CNTN3: variants seen among roughly 807,000 people sequenced by gnomAD.
The protein encoded by CNTN3 is contactin 3.
Under a neutral mutation model 119.1 loss-of-function variants are expected in CNTN3, and 60 were observed. That is an observed-to-expected ratio of 0.50 (90% CI 0.41 to 0.62). CNTN3 has a LOEUF of 0.62. Ranked by LOEUF, CNTN3 falls within the 20% of genes least tolerant of loss-of-function variation. The pLI is 0.00. For synonymous variants in CNTN3, 450 were observed against 438.7 expected (o/e 1.03, Z -0.32); for missense variants, 1,101 against 1,242.4 (o/e 0.89, Z 1.71).
chr3:74,380,185 T>C (rs1704579857), intron 5 of CNTN3, among the ~76,000 whole-genome samples: 2 of 152,210 alleles, frequency 1.3e-5, no homozygotes, highest in African/African-American at 4.8e-5. Context: ...TCCTTGAAAA[T>C]GCTAGAAAGC....
At chr3:74,343,598 TTC>T (rs1703601883) in intron 11 of CNTN3, among the ~76,000 whole-genome samples, 1 of 152,228 alleles carries the variant, frequency 6.6e-6, no homozygotes, top group Non-Finnish European at 1.5e-5. Context: ...TGATTCCTCA[TTC>T]TTTGGCAACT....
chr3:74,589,876 A>G (rs1559670356), intron 1 of CNTN3, among the ~76,000 whole-genome samples: 2 of 146,660 alleles, frequency 1.4e-5, no homozygotes, highest in African/African-American at 2.5e-5. Flanking sequence ...CAAACACCAC[A>G]TGTTCTCACT....
At chr3:74,413,417 T>C in intron 5 of CNTN3, among the ~76,000 whole-genome samples, 1 of 152,140 alleles carries the variant, frequency 6.6e-6, no homozygotes, top group East Asian at 1.9e-4. Flanking sequence ...ATATACAAAA[T>C]GTGTCTGTGT....
chr3:74,444,520 C>T (rs970550024), intron 4 of CNTN3, among the ~76,000 whole-genome samples: 1 of 151,946 alleles, frequency 6.6e-6, no homozygotes, highest in Non-Finnish European at 1.5e-5. Flanking sequence ...GACAATAGAC[C>T]TTCCTTGTTT....
At chr3:74,476,363 C>T (rs750211343) in intron 4 of CNTN3, among the ~76,000 whole-genome samples, 9 of 152,028 alleles carry the variant, frequency 5.9e-5, no homozygotes, top group Non-Finnish European at 8.8e-5. Flanking sequence ...CTACATCAAG[C>T]GAATATACTA....
rs191839249 is a variant in CNTN3 at position 74,350,581 on chromosome 3, A to G, written c.1364+11309T>C. ...AATCCCACTACTGGGTATCTACCCA[A>G]TGGAAAATAAATCATTCTAGTGAAA... On this transcript the variant is annotated intron_variant, in intron 11 of 22. Transcript: ENST00000263665. 3.3e-3 allele frequency among the ~76,000 whole-genome samples: 504 copies of G among 152,324 alleles called. 3 individuals carry two copies. The highest frequency in any genetic ancestry group is 0.014 in the Middle Eastern group (4 of 292).
In CNTN3 at chr3:74,365,688, C is replaced by T. The variant is rs1461830962; in HGVS notation, c.961G>A (p.Val321Ile). ...RLTYYAKPHWVQLIKDVEIAV... is the reference protein window; with the variant it reads ...RLTYYAKPHWIQLIKDVEIAV... ...ATTTCCACATCCTTTATGAGTTGAACCCAATGGGGCTTTGCTTCAATGAAA... is the reference window on the plus strand; with the variant it reads ...ATTTCCACATCCTTTATGAGTTGAATCCAATGGGGCTTTGCTTCAATGAAA... Residue 321 changes from valine to isoleucine, a missense_variant, in exon 9 of 23, where the codon GTT (valine) becomes ATT (isoleucine). Coordinates refer to ENST00000263665, the MANE Select transcript of CNTN3 (RefSeq NM_020872.3). The T allele has an allele frequency of 1.9e-6, 3 of 1,609,258 alleles. No homozygotes were observed. Among genetic ancestry groups the T allele is most frequent in the Admixed American group, 1.7e-5 (1 of 59,360 alleles).
chr3:74,492,873 A>G (rs1702992944), intron 3 of CNTN3, among the ~76,000 whole-genome samples: 1 of 152,134 alleles, frequency 6.6e-6, no homozygotes, highest in African/African-American at 2.4e-5. Flanking sequence ...CAAAGTATGT[A>G]AACTCCACTG....
chr3:74,337,929 G>A (rs953962771), intron 11 of CNTN3, among the ~76,000 whole-genome samples: 62 of 148,516 alleles, frequency 4.2e-4, no homozygotes, highest in African/African-American at 1.4e-3. Flanking sequence ...TTTGAATTAC[G>A]AAAAAAAAAT....
intron 1 of CNTN3, among the ~76,000 whole-genome samples, chr3:74,576,731 T>C (rs183163183): frequency 1.5e-4 from 23 of 152,110 alleles, no homozygotes; most frequent in African/African-American, 5.6e-4. Context: ...TCCTGACCTG[T>C]AATGATTTTT....
intron 4 of CNTN3, among the ~76,000 whole-genome samples, chr3:74,483,891 G>A (rs1380059007): frequency 6.6e-6 from 1 of 152,028 alleles, no homozygotes; most frequent in Non-Finnish European, 1.5e-5. Flanking sequence ...AGAACTAGGG[G>A]CAGACTGCAA....
At chr3:74,443,178 A>G (rs1701994650) in intron 4 of CNTN3, among the ~76,000 whole-genome samples, 1 of 152,188 alleles carries the variant, frequency 6.6e-6, no homozygotes, top group Admixed American at 6.5e-5. Context: ...AGAAAGGCAC[A>G]GACCAAGCAG....
intron 1 of CNTN3, among the ~76,000 whole-genome samples, chr3:74,612,331 G>A (rs986598322): frequency 5.9e-5 from 9 of 152,282 alleles, no homozygotes; most frequent in East Asian, 3.9e-4. Context: ...TGTTGTCCAC[G>A]GCTAATCTTC....
rs900422101 is a variant in CNTN3, at chr3:74,427,784, A to G, written c.359-2844T>C. Among the ~76,000 whole-genome samples, 4 of 152,294 alleles carry G rather than the reference A, an allele frequency of 2.6e-5. No homozygotes were observed. The East Asian group carries it at 5.8e-4, about 22-fold the overall frequency. On this transcript the variant is annotated intron_variant, in intron 4 of 22. Coordinates refer to ENST00000263665, the MANE Select transcript of CNTN3 (RefSeq NM_020872.3). ...AATTAAAAACTCAAAACTACTCACA[A>G]TTGTTCCAAATAAAATAAAATACCC... is the stretch of plus-strand genomic sequence containing the variant.
chr3:74,476,188 C>T (rs1320234806), intron 4 of CNTN3, among the ~76,000 whole-genome samples: 1 of 152,102 alleles, frequency 6.6e-6, no homozygotes, highest in African/African-American at 2.4e-5. Flanking sequence ...ACACACAAAA[C>T]AAGGTGAGGT....
intron 13 of CNTN3, among the ~76,000 whole-genome samples, chr3:74,322,161 G>T (rs1362368397): frequency 7.6e-6 from 1 of 131,030 alleles, no homozygotes; most frequent in African/African-American, 3.0e-5. Flanking sequence ...ACTCCAGCCT[G>T]GGTGACTCAA....
At chr3:74,576,289 A>T (rs1275970351) in intron 1 of CNTN3, among the ~76,000 whole-genome samples, 1 of 152,202 alleles carries the variant, frequency 6.6e-6, no homozygotes. Context: ...AAAACAACAC[A>T]GTCCCCTGAA....
intron 13 of CNTN3, among the ~76,000 whole-genome samples, chr3:74,307,763 A>G (rs1559694574): frequency 6.6e-6 from 1 of 152,232 alleles, no homozygotes; most frequent in African/African-American, 2.4e-5. Flanking sequence ...GAACCTCTTG[A>G]ACCTTGCAAA....
At chr3:74,493,423 C>G (rs995831679) in intron 3 of CNTN3, among the ~76,000 whole-genome samples, 55 of 152,240 alleles carry the variant, frequency 3.6e-4, no homozygotes, top group African/African-American at 1.2e-3. Flanking sequence ...CACACAAGAT[C>G]TGGTCTGGAC....
Sources: gnomAD v4.1 joint callset for allele counts (sites outside exome capture counted in the v4.1 genomes callset) on GRCh38, gnomAD v4.1.1 for gene constraint, MANE v1.5 for transcripts, NCBI Gene and HGNC (gene_info 2026-07-23, HGNC 2026-07-21) for gene names.